Variants in RTTN observed in about 807,000 individuals in gnomAD.
RTTN encodes the protein rotatin.
RTTN carries 182 observed loss-of-function variants against 269.2 expected under a neutral mutation model. That is an observed-to-expected ratio of 0.68 (90% confidence interval 0.60 to 0.76). The LOEUF is 0.76. Among genes scored for constraint, RTTN ranks in the 30% least tolerant of loss-of-function variants. The pLI is 0.00. For missense variants in RTTN, 2,545 were observed against 2,608.6 expected, an observed-to-expected ratio of 0.98 and a Z score of 0.53; for synonymous variants, 1,006 against 963.5, an observed-to-expected ratio of 1.04 and a Z score of -0.82.
At chr18:70,119,624 A>G (rs1474599402) in intron 26 of RTTN, among the ~76,000 whole-genome samples, 2 of 152,204 alleles carry the variant, frequency 1.3e-5, no homozygotes, top group African/African-American at 2.4e-5. Flanking sequence ...ATCTAATTCA[A>G]AATAAGTTAT....
rs747213032 is a variant in RTTN at position 70,108,738 on chromosome 18, A to AG, written c.3903+759dup. Among the ~76,000 whole-genome samples the AG allele has an allele frequency of 2.6e-5, 4 of 152,260 alleles. No individual in the cohort carries two copies. In the East Asian group the frequency reaches 5.8e-4, roughly 22 times the overall value. ...TAAAATCAATCAGTAATGGAATATAAGGGAAAAATCATGTGATTATCTTAA... is the reference window on the plus strand; with the variant it reads ...TAAAATCAATCAGTAATGGAATATAAGGGGAAAAATCATGTGATTATCTTAA... On this transcript the variant is annotated intron_variant, in intron 28 of 48. Transcript: ENST00000640769.
chr18:70,136,620 A>T (rs2060131150), intron 21 of RTTN, among the ~76,000 whole-genome samples: 1 of 152,018 alleles, frequency 6.6e-6, no homozygotes, highest in Admixed American at 6.6e-5. Context: ...TAAAATAAGA[A>T]AATAAAACAA....
At chr18:70,061,494 G>T in intron 35 of RTTN, 1 of 452,888 alleles carries the variant, frequency 2.2e-6, no homozygotes, top group Non-Finnish European at 4.4e-6. Flanking sequence ...TAGAAAACGT[G>T]TGTGTATATA....
intron 40 of RTTN, among the ~76,000 whole-genome samples, chr18:70,042,982 T>A (rs949406025): frequency 6.6e-6 from 1 of 152,132 alleles, no homozygotes; most frequent in South Asian, 2.1e-4. Flanking sequence ...GTAAAGGAAT[T>A]CCTGGAACCA....
chr18:70,014,731 C>T (rs552040823), intron 46 of RTTN, among the ~76,000 whole-genome samples: 43 of 152,106 alleles, frequency 2.8e-4, no homozygotes, highest in African/African-American at 9.4e-4. Flanking sequence ...TATTTTTGAC[C>T]CATCCATCTA....
intron 40 of RTTN, among the ~76,000 whole-genome samples, chr18:70,046,001 C>A (rs965141358): frequency 1.3e-5 from 2 of 151,870 alleles, no homozygotes; most frequent in Non-Finnish European, 2.9e-5. Context: ...AATAATATTA[C>A]AAAGTATTAG....
intron 16 of RTTN, 120 bp downstream of exon 16, chr18:70,149,850 GC>G (rs2060491563): frequency 1.4e-6 from 1 of 738,760 alleles, no homozygotes; most frequent in Non-Finnish European, 2.4e-6. Flanking sequence ...TATCCCCAGC[GC>G]CTTCACAGCT....
rs1366948044 is a variant in RTTN, at chr18:70,193,287, C to A, written c.1007+1G>T. 1 of 1,610,142 alleles carries A rather than the reference C, an allele frequency of 6.2e-7. No individual in the cohort carries two copies. Among genetic ancestry groups the A allele is most frequent in the East Asian group, 2.2e-5 (1 of 44,566 alleles). ...TCCCCAGAGACACTGCTAGCAGTCACCTAGAGGACGCTGCATCCCAGTCCT... is the reference window on the plus strand; with the variant it reads ...TCCCCAGAGACACTGCTAGCAGTCAACTAGAGGACGCTGCATCCCAGTCCT... On this transcript the variant is annotated splice_donor_variant, in intron 8 of 48. Transcript: ENST00000640769. LOFTEE classifies it high-confidence loss of function.
At chr18:70,105,752 TA>T (rs1453841956) in intron 28 of RTTN, among the ~76,000 whole-genome samples, 1 of 152,178 alleles carries the variant, frequency 6.6e-6, no homozygotes, top group Non-Finnish European at 1.5e-5. Context: ...AAAAAAGTTC[TA>T]GATAAGACCA....
rs1416849811 is a variant in RTTN at position 70,190,533 on chromosome 18, C to T, written c.1189+5G>A. ...ATCAGAATTACGATTTCTAAAACAACTAACCTGTTCTTAAGAGAGGAACAG... is the reference window on the plus strand; with the variant it reads ...ATCAGAATTACGATTTCTAAAACAATTAACCTGTTCTTAAGAGAGGAACAG... On this transcript the variant is annotated splice_donor_5th_base_variant and intron_variant, in intron 9 of 48. Coordinates refer to ENST00000640769, the MANE Select transcript of RTTN (RefSeq NM_173630.4). The T allele has an allele frequency of 1.9e-6, 3 of 1,595,122 alleles. No homozygotes were observed. The highest frequency in any genetic ancestry group is 2.6e-6 in the Non-Finnish European group (3 of 1,164,684).
chr18:70,149,897 G>T, intron 16 of RTTN, 74 bp downstream of exon 16: 1 of 1,018,478 alleles, frequency 9.8e-7, no homozygotes, highest in Non-Finnish European at 1.6e-6. Context: ...CAGTTTAGCT[G>T]TTTGCATGCA....
chr18:70,114,758 G>A (rs1440287097), intron 26 of RTTN, among the ~76,000 whole-genome samples, 159 bp from the exon 27 acceptor site: 1 of 151,906 alleles, frequency 6.6e-6, no homozygotes, highest in Non-Finnish European at 1.5e-5. Context: ...AAATTCAAAA[G>A]ATGTTTAATA....
At chr18:70,145,921 T>G (rs906377897) in intron 17 of RTTN, 138 bp from the exon 18 acceptor site, 12 of 504,786 alleles carry the variant, frequency 2.4e-5, no homozygotes, top group Admixed American at 3.9e-5. Flanking sequence ...TAGTAATAAT[T>G]TACTTTTTCT....
intron 37 of RTTN, among the ~76,000 whole-genome samples, chr18:70,056,388 C>A (rs1455213062): frequency 6.6e-6 from 1 of 152,156 alleles, no homozygotes; most frequent in Non-Finnish European, 1.5e-5. Flanking sequence ...CAGGCATTTC[C>A]TTTATAAAAT....
intron 37 of RTTN, among the ~76,000 whole-genome samples, 185 bp downstream of exon 37, chr18:70,057,557 C>G (rs1319768659): frequency 1.3e-5 from 2 of 152,226 alleles, no homozygotes; most frequent in Non-Finnish European, 2.9e-5. Flanking sequence ...AACCCCACCT[C>G]TCTTTTCTAA....
At chr18:70,052,499 T>C (rs1444805890) in intron 38 of RTTN, among the ~76,000 whole-genome samples, 1 of 152,160 alleles carries the variant, frequency 6.6e-6, no homozygotes, top group East Asian at 1.9e-4. Context: ...GTATAGAGCT[T>C]ACTGTTTTTA....
intron 6 of RTTN, 111 bp downstream of exon 6, chr18:70,197,513 T>G: frequency 1.4e-6 from 1 of 702,982 alleles, no homozygotes; most frequent in South Asian, 1.6e-5. Flanking sequence ...ACTTCACTTT[T>G]TAAAAACATG....
At chr18:70,026,852 A>G (rs1238400867) in intron 43 of RTTN, among the ~76,000 whole-genome samples, 2 of 152,156 alleles carry the variant, frequency 1.3e-5, no homozygotes, top group Admixed American at 6.5e-5. Context: ...ATCACTCCTT[A>G]GAGTCCCAGA....
intron 17 of RTTN, among the ~76,000 whole-genome samples, chr18:70,147,516 T>C (rs889590132): frequency 3.3e-5 from 5 of 152,114 alleles, no homozygotes; most frequent in African/African-American, 7.2e-5. Flanking sequence ...GATGCATCCA[T>C]GTCATTAAGC....
Sources: gnomAD v4.1 joint callset for allele counts (sites outside exome capture counted in the v4.1 genomes callset) on GRCh38, gnomAD v4.1.1 for gene constraint, MANE v1.5 for transcripts, NCBI Gene and HGNC (gene_info 2026-07-23, HGNC 2026-07-21) for gene names.